FAM83B: variants seen among roughly 807,000 people sequenced by gnomAD.
The protein encoded by FAM83B is protein FAM83B.
FAM83B carries 26 observed loss-of-function variants against 38.8 expected under a neutral mutation model. The observed-to-expected ratio is 0.67, with a 90% CI of 0.49 to 0.93. The LOEUF (loss-of-function observed/expected upper bound fraction) is 0.93, where lower values mean the gene tolerates loss of function less well. Among genes scored for constraint, FAM83B ranks in the 40% least tolerant of loss-of-function variants. FAM83B has a pLI of 0.00. For missense variants in FAM83B, 1,237 were observed against 1,197.3 expected (o/e 1.03, Z -0.49); for synonymous variants, 419 against 423.1 (o/e 0.99, Z 0.12).
At chr6:54,906,664 G>T (rs1269730478) in intron 2 of FAM83B, among the ~76,000 whole-genome samples, 1 of 152,034 alleles carries the variant, frequency 6.6e-6, no homozygotes, top group Non-Finnish European at 1.5e-5. Context: ...GATTACAGGC[G>T]TGAACCACCA....
At chr6:54,848,619 A>G (rs1006103782) in intron 1 of FAM83B, among the ~76,000 whole-genome samples, 1 of 152,160 alleles carries the variant, frequency 6.6e-6, no homozygotes, top group Non-Finnish European at 1.5e-5. Flanking sequence ...ACCGTTCTTT[A>G]TAGGTTAAGG....
chr6:54,860,916 C>T (rs56745332), intron 1 of FAM83B, among the ~76,000 whole-genome samples: 14,665 of 152,192 alleles, frequency 0.096, 800 homozygotes, highest in African/African-American at 0.15. Flanking sequence ...CCTCCCTGAG[C>T]GCTGACTCAT....
At chr6:54,925,567 C>T (rs190129277) in intron 2 of FAM83B, among the ~76,000 whole-genome samples, 6 of 152,212 alleles carry the variant, frequency 3.9e-5, no homozygotes, top group Admixed American at 1.3e-4. Context: ...TTTTAATTCA[C>T]TTTTTTCTTT....
chr6:54,876,847 G>A (rs1256157512), intron 2 of FAM83B, among the ~76,000 whole-genome samples: 3 of 151,912 alleles, frequency 2.0e-5, no homozygotes, highest in Non-Finnish European at 4.4e-5. Flanking sequence ...TATATATTTG[G>A]GGATCTCTGA....
In FAM83B at chr6:54,939,716, T is replaced by G; in HGVS notation, c.745T>G (p.Ser249Ala). 2.5e-6 allele frequency: 4 copies of G among 1,586,490 alleles called. No homozygotes were observed. The highest frequency in any genetic ancestry group is 3.4e-6 in the Non-Finnish European group (4 of 1,168,708). Reference protein sequence around the residue: ...VMYGSYSYMWSFEKAHLSMVQ... With the variant: ...VMYGSYSYMWAFEKAHLSMVQ... ...CATTTTTTTCCCCAGTTATATGTGG[T>G]CATTTGAGAAAGCTCACCTCAGCAT... Residue 249 changes from serine to alanine, a missense_variant, in exon 5 of 5, where the codon TCA becomes GCA. By Grantham distance (99) the Ser-to-Ala change is moderately conservative. Transcript: ENST00000306858.
At chr6:54,868,336 A>T (rs1412442147) in intron 1 of FAM83B, among the ~76,000 whole-genome samples, 1 of 152,096 alleles carries the variant, frequency 6.6e-6, no homozygotes, top group African/African-American at 2.4e-5. Context: ...CGCACAAGTG[A>T]TTCTATTTAA....
chr6:54,904,371 G>A (rs1052491322), intron 2 of FAM83B, among the ~76,000 whole-genome samples: 1 of 152,050 alleles, frequency 6.6e-6, no homozygotes. Flanking sequence ...GAATCTACAG[G>A]TACTGACATT....
intron 4 of FAM83B, among the ~76,000 whole-genome samples, chr6:54,932,815 G>A (rs530783036): frequency 7.0e-4 from 106 of 152,244 alleles, no homozygotes; most frequent in Non-Finnish European, 1.2e-3. Flanking sequence ...TTTCTGCTGA[G>A]AAAGTCACTG....
At position 54,944,147 on chromosome 6, in the gene FAM83B, A is replaced by C. The variant is rs981635211; in HGVS notation, c.*2140A>C. 1 of 152,200 alleles carries C rather than the reference A, an allele frequency of 6.6e-6. No homozygotes were observed. Among genetic ancestry groups the C allele is most frequent in the Non-Finnish European group, 1.5e-5 (1 of 68,032 alleles). The allele number at this position is 152,200 out of a possible 1,614,324, so 9.4% of individuals were successfully genotyped here. On this transcript the variant is annotated 3_prime_UTR_variant, in exon 5 of 5. Coordinates refer to ENST00000306858, the MANE Select transcript of FAM83B (RefSeq NM_001010872.3). ...ACAACTTTCCAAAGTCTCTGTGGCC[A>C]AAACCTCTCCAGGGATAAGACTGAG...
In FAM83B at chr6:54,942,073, TA is replaced by T; in HGVS notation, c.*68del. ...CAAAGAAAATTGTGGACAGTCTTTGTAACATGCCAATAGATTTTCCTAAGGA... is the reference window on the plus strand; with the variant it reads ...CAAAGAAAATTGTGGACAGTCTTTGTACATGCCAATAGATTTTCCTAAGGA... On this transcript the variant is annotated 3_prime_UTR_variant, in exon 5 of 5. Coordinates refer to ENST00000306858, the MANE Select transcript of FAM83B (RefSeq NM_001010872.3). 3 of 1,461,386 alleles carry T rather than the reference TA, an allele frequency of 2.1e-6. No homozygotes were observed. Among genetic ancestry groups the T allele is most frequent in the Non-Finnish European group, 2.8e-6 (3 of 1,084,892 alleles). 90.5% of individuals were successfully genotyped at this position (1,461,386 alleles called of 1,614,324 possible). A position where few individuals can be genotyped will look rare whatever the true frequency, so the allele number is the denominator to read the frequency against.
chr6:54,900,664 A>G (rs953527160), intron 2 of FAM83B, among the ~76,000 whole-genome samples: 3 of 152,202 alleles, frequency 2.0e-5, no homozygotes, highest in Non-Finnish European at 2.9e-5. Flanking sequence ...GTCAGTGACA[A>G]TATACACATA....
chr6:54,873,091 G>A (rs1771899291), intron 2 of FAM83B, among the ~76,000 whole-genome samples: 1 of 151,310 alleles, frequency 6.6e-6, no homozygotes, highest in South Asian at 2.1e-4. Context: ...TCAAACTCCT[G>A]GATTCAAGTG....
chr6:54,920,130 G>A (rs562814459), intron 2 of FAM83B, among the ~76,000 whole-genome samples: 5 of 151,914 alleles, frequency 3.3e-5, no homozygotes, highest in Admixed American at 2.0e-4. Context: ...TTAGGCTATA[G>A]AAGGATTTGG....
upstream of FAM83B, among the ~76,000 whole-genome samples, chr6:54,846,483 C>G (rs1771135154): frequency 6.6e-6 from 1 of 152,216 alleles, no homozygotes; most frequent in South Asian, 2.1e-4. Context: ...TGCCCCGTAG[C>G]CCCGAGGGCG....
chr6:54,925,561 A>C (rs540229181), intron 2 of FAM83B, among the ~76,000 whole-genome samples: 116 of 152,158 alleles, frequency 7.6e-4, no homozygotes, highest in Non-Finnish European at 1.4e-3. Flanking sequence ...TCACCTTTTT[A>C]ATTCACTTTT....
intron 2 of FAM83B, among the ~76,000 whole-genome samples, chr6:54,896,605 AAAG>A (rs1772542558): frequency 6.6e-6 from 1 of 152,226 alleles, no homozygotes; most frequent in Non-Finnish European, 1.5e-5. Context: ...GAAGCGTACA[AAAG>A]AATACCATAA....
intron 1 of FAM83B, among the ~76,000 whole-genome samples, chr6:54,860,610 G>A (rs1771561667): frequency 6.6e-6 from 1 of 152,146 alleles, no homozygotes; most frequent in Non-Finnish European, 1.5e-5. Flanking sequence ...ACAGAAGAAA[G>A]AACCCAGAAA....
intron 1 of FAM83B, among the ~76,000 whole-genome samples, chr6:54,850,404 A>G (rs1051859171): frequency 9.2e-5 from 14 of 152,170 alleles, no homozygotes; most frequent in African/African-American, 2.9e-4. Context: ...AATAATGTTA[A>G]CTAAGGTTTC....
rs531306967 is a variant in FAM83B, at chr6:54,940,781, T to C, written c.1810T>C (p.Leu604=). ...PLPESIPKLP[L]QSEAPKMHTL... ...GCCAGAATCAATCCCCAAGCTCCCA[T>C]TGCAGTCAGAGGCACCAAAAATGCA... The change falls in exon 5 of 5, where the codon TTG becomes CTG. Residue 604 remains leucine (L), a synonymous_variant. Transcript: ENST00000306858. 13 of 1,613,998 alleles carry C rather than the reference T, an allele frequency of 8.1e-6. No individual in the cohort carries two copies. The highest frequency in any genetic ancestry group is 2.2e-5 in the East Asian group (1 of 44,856).
Sources: allele counts gnomAD v4.1 joint callset (sites outside exome capture counted in the v4.1 genomes callset), GRCh38; gene constraint gnomAD v4.1.1; transcripts MANE v1.5; gene names NCBI Gene and HGNC (gene_info 2026-07-23, HGNC 2026-07-21).